The following CIAO2A variants were observed in gnomAD, a reference collection of about 807,000 sequenced individuals.
CIAO2A encodes MIP18 family protein FAM96A.
In CIAO2A, 17 loss-of-function variants were observed where a neutral mutation model predicts 22.4. That is an observed-to-expected ratio of 0.76 (90% CI 0.52 to 1.14). The LOEUF (loss-of-function observed/expected upper bound fraction) is 1.14. Among genes scored for constraint, CIAO2A ranks in the 50% most tolerant of loss-of-function variants. The pLI, the probability that CIAO2A is intolerant of heterozygous loss-of-function variation, is 0.00. For synonymous variants in CIAO2A, 74 were observed against 72.3 expected (o/e 1.02, Z -0.12); for missense variants, 192 against 191.4 (o/e 1.00, Z -0.02).
chr15:64,085,036 G>GAGCCAAGAATGC (rs71133406), intron 2 of CIAO2A, among the ~76,000 whole-genome samples: 105,817 of 150,820 alleles, frequency 0.7, 38,181 homozygotes, highest in East Asian at 0.81. Flanking sequence ...AAGCTCCAGT[G>GAGCCAAGAATGC]GCCACTACAC....
chr15:64,089,419 T>C (rs1291208243), intron 1 of CIAO2A, among the ~76,000 whole-genome samples: 1 of 144,264 alleles, frequency 6.9e-6, no homozygotes, highest in African/African-American at 2.6e-5. Flanking sequence ...TCCCAGCCAC[T>C]CAGGAGGATC....
chr15:64,074,101 T>C (rs573994837), intron 4 of CIAO2A, among the ~76,000 whole-genome samples: 11 of 152,174 alleles, frequency 7.2e-5, no homozygotes, highest in Non-Finnish European at 1.5e-4. Context: ...GATCTTTTTT[T>C]AAAATTAGTT....
At chr15:64,088,900 A>C (rs2080818553) in intron 1 of CIAO2A, 49 bp from the exon 2 acceptor site, 2 of 1,544,346 alleles carry the variant, frequency 1.3e-6, no homozygotes, top group Non-Finnish European at 1.7e-6. Flanking sequence ...TGACTATTCT[A>C]AATAAAGATG....
At chr15:64,084,825 G>A (rs2080781498) in intron 2 of CIAO2A, among the ~76,000 whole-genome samples, 2 of 152,010 alleles carry the variant, frequency 1.3e-5, no homozygotes, top group Admixed American at 6.6e-5. Flanking sequence ...AGGCGCGGTG[G>A]CTCACACCTG....
At chr15:64,080,467 G>A (rs536880617) in intron 3 of CIAO2A, among the ~76,000 whole-genome samples, 88 of 152,212 alleles carry the variant, frequency 5.8e-4, no homozygotes, top group African/African-American at 2.0e-3. Context: ...TGGATCATGA[G>A]GTCAGGAGTT....
intron 1 of CIAO2A, among the ~76,000 whole-genome samples, chr15:64,089,511 C>CA (rs35882853): frequency 0.017 from 2,006 of 119,396 alleles, 35 homozygotes; most frequent in African/African-American, 0.045. Flanking sequence ...GACCCTGTCT[C>CA]AAAAAAAAAA....
intron 3 of CIAO2A, among the ~76,000 whole-genome samples, chr15:64,079,903 C>T (rs929308485): frequency 6.6e-6 from 1 of 152,130 alleles, no homozygotes; most frequent in African/African-American, 2.4e-5. Flanking sequence ...AACATATTTG[C>T]CAATCATATC....
intron 3 of CIAO2A, among the ~76,000 whole-genome samples, chr15:64,078,637 AAC>A (rs1419658927): frequency 0.023 from 2,370 of 104,972 alleles, 69 homozygotes; most frequent in African/African-American, 0.085. Flanking sequence ...TTCCATCGCA[AAC>A]AAAAAAAAAA....
At chr15:64,093,078 G>A (rs1298991925) in intron 1 of CIAO2A, among the ~76,000 whole-genome samples, 1 of 152,240 alleles carries the variant, frequency 6.6e-6, no homozygotes, top group Non-Finnish European at 1.5e-5. Context: ...GTGTATGTGT[G>A]TGTGTGCGTT....
At chr15:64,081,776 T>C (rs1256885709) in intron 2 of CIAO2A, among the ~76,000 whole-genome samples, 1 of 152,050 alleles carries the variant, frequency 6.6e-6, no homozygotes, top group Non-Finnish European at 1.5e-5. Flanking sequence ...TTACCTCAAG[T>C]GATCCGCCTG....
chr15:64,089,389 G>A (rs1341477130), intron 1 of CIAO2A, among the ~76,000 whole-genome samples: 1 of 152,020 alleles, frequency 6.6e-6, no homozygotes, highest in Non-Finnish European at 1.5e-5. Context: ...TTAGCCGGGT[G>A]TAGTGGTGCA....
At chr15:64,085,881 T>C (rs1017561825) in intron 2 of CIAO2A, among the ~76,000 whole-genome samples, 2 of 151,768 alleles carry the variant, frequency 1.3e-5, no homozygotes, top group African/African-American at 4.8e-5. Context: ...GCTAATTTTT[T>C]GCATTTTTGG....
chr15:64,072,883 A>T lies in CIAO2A; in HGVS notation c.*48T>A. Reference sequence around the variant, plus strand: ...GTCTCTGACATTATACAAAGAGTTTAAACAAATATATCAAACAATTACAGG... The same window carrying T: ...GTCTCTGACATTATACAAAGAGTTTTAACAAATATATCAAACAATTACAGG... On this transcript the variant is annotated 3_prime_UTR_variant, in exon 5 of 5. Coordinates refer to ENST00000300030, the MANE Select transcript of CIAO2A (RefSeq NM_032231.7). 1 of 1,264,760 alleles carries T rather than the reference A, an allele frequency of 7.9e-7. No individual in the cohort carries two copies. Among genetic ancestry groups the T allele is most frequent in the Non-Finnish European group, 1.1e-6 (1 of 869,632 alleles). 78.3% of individuals were successfully genotyped at this position (1,264,760 alleles called of 1,614,324 possible).
intron 1 of CIAO2A, among the ~76,000 whole-genome samples, chr15:64,089,894 G>T (rs528839491): frequency 1.3e-5 from 2 of 152,320 alleles, no homozygotes; most frequent in South Asian, 4.1e-4. Context: ...ATTTTGAGGT[G>T]CTTAAGGGGT....
intron 3 of CIAO2A, among the ~76,000 whole-genome samples, chr15:64,077,969 C>T (rs560687336): frequency 1.9e-4 from 29 of 152,244 alleles, no homozygotes; most frequent in African/African-American, 6.3e-4. Context: ...ATTACAAATG[C>T]ACTCAAACAT....
intron 2 of CIAO2A, among the ~76,000 whole-genome samples, chr15:64,083,309 A>T (rs2080770366): frequency 6.6e-6 from 1 of 152,118 alleles, no homozygotes; most frequent in Admixed American, 6.5e-5. Flanking sequence ...CAAGTGGCAG[A>T]GGTAGAACCC....
At chr15:64,089,480 C>A (rs1337198513) in intron 1 of CIAO2A, among the ~76,000 whole-genome samples, 1 of 147,352 alleles carries the variant, frequency 6.8e-6, no homozygotes, top group African/African-American at 2.5e-5. Flanking sequence ...TCACCGCACT[C>A]TAGGCTGGGC....
chr15:64,092,542 A>G (rs1361723926), intron 1 of CIAO2A, among the ~76,000 whole-genome samples: 1 of 152,128 alleles, frequency 6.6e-6, no homozygotes, highest in Non-Finnish European at 1.5e-5. Context: ...GACTAGAGTC[A>G]CTCTCTTCCA....
intron 3 of CIAO2A, among the ~76,000 whole-genome samples, chr15:64,080,482 A>T (rs768209598): frequency 2.0e-5 from 3 of 152,162 alleles, no homozygotes; most frequent in Admixed American, 6.5e-5. Flanking sequence ...GGAGTTCAAG[A>T]CCAGCCTGAC....
Sources: gnomAD v4.1 joint callset for allele counts (sites outside exome capture counted in the v4.1 genomes callset) on GRCh38, gnomAD v4.1.1 for gene constraint, MANE v1.5 for transcripts, NCBI Gene and HGNC (gene_info 2026-07-23, HGNC 2026-07-21) for gene names.